GRIN2B: variants seen among roughly 807,000 people sequenced by gnomAD.
The protein encoded by GRIN2B is glutamate ionotropic receptor NMDA type subunit 2B.
Under a neutral mutation model 114.5 loss-of-function variants are expected in GRIN2B, and 5 were observed. The observed-to-expected ratio is 0.04, with a 90% confidence interval of 0.02 to 0.09. GRIN2B has a LOEUF of 0.09. Ranked by LOEUF, GRIN2B falls within the 10% of genes least tolerant of loss-of-function variation. The probability of loss-of-function intolerance (pLI) is 1.00; values close to 1 mark genes in which losing one functional copy is unlikely to be tolerated. For synonymous variants in GRIN2B, 787 were observed against 745.1 expected (o/e 1.06, Z -0.92); for missense variants, 1,108 against 1,943.5 (o/e 0.57, Z 8.08).
At chr12:13,857,846 T>C (rs1355426098) in intron 3 of GRIN2B, among the ~76,000 whole-genome samples, 1 of 152,190 alleles carries the variant, frequency 6.6e-6, no homozygotes, top group Non-Finnish European at 1.5e-5. Flanking sequence ...GAAGACTTCT[T>C]CTAATCCAAT....
intron 3 of GRIN2B, among the ~76,000 whole-genome samples, chr12:13,807,869 C>T (rs1432060295): frequency 1.3e-5 from 2 of 151,972 alleles, no homozygotes; most frequent in African/African-American, 4.8e-5. Context: ...GAACCTTAAC[C>T]AACCCACCCA....
At chr12:13,607,266 T>C (rs1353016380) in intron 10 of GRIN2B, among the ~76,000 whole-genome samples, 2 of 37,334 alleles carry the variant, frequency 5.4e-5, no homozygotes, top group Non-Finnish European at 1.0e-4. Context: ...TTATATATAA[T>C]ATATAAAATA....
chr12:13,959,223 T>C (rs900888197), intron 2 of GRIN2B, among the ~76,000 whole-genome samples: 4 of 152,104 alleles, frequency 2.6e-5, no homozygotes, highest in Non-Finnish European at 5.9e-5. Context: ...AGAAGGAGGC[T>C]TTCCAGGAAG....
At chr12:13,755,297 G>A (rs1863557693) in intron 3 of GRIN2B, among the ~76,000 whole-genome samples, 1 of 152,172 alleles carries the variant, frequency 6.6e-6, no homozygotes, top group Admixed American at 6.5e-5. Context: ...ATACAGGTTG[G>A]GAAATATCCA....
intron 3 of GRIN2B, among the ~76,000 whole-genome samples, chr12:13,777,507 C>T (rs1445900136): frequency 2.0e-5 from 3 of 152,170 alleles, no homozygotes; most frequent in African/African-American, 7.2e-5. Context: ...AAGTATTCCG[C>T]AATACCCATC....
intron 4 of GRIN2B, among the ~76,000 whole-genome samples, chr12:13,722,899 C>T (rs1565513567): frequency 1.3e-5 from 2 of 152,130 alleles, no homozygotes; most frequent in East Asian, 3.9e-4. Flanking sequence ...AATCGTCTCA[C>T]CACACCTGCT....
At chr12:13,700,153 A>G (rs950645593) in intron 4 of GRIN2B, among the ~76,000 whole-genome samples, 2 of 152,064 alleles carry the variant, frequency 1.3e-5, no homozygotes, top group Non-Finnish European at 2.9e-5. Context: ...ACTTTTCTTG[A>G]GACATCATCT....
chr12:13,904,514 T>A (rs1866506883), intron 2 of GRIN2B, among the ~76,000 whole-genome samples: 1 of 152,122 alleles, frequency 6.6e-6, no homozygotes, highest in South Asian at 2.1e-4. Context: ...GTCATCTTTA[T>A]CTTTTTGCAA....
intron 10 of GRIN2B, among the ~76,000 whole-genome samples, chr12:13,593,528 C>G (rs929333940): frequency 1.3e-5 from 2 of 152,138 alleles, no homozygotes; most frequent in African/African-American, 4.8e-5. Context: ...TTCCTTACAC[C>G]TTATATAAAA....
intron 3 of GRIN2B, among the ~76,000 whole-genome samples, chr12:13,771,596 T>C (rs1863909986): frequency 6.6e-6 from 1 of 152,208 alleles, no homozygotes; most frequent in African/African-American, 2.4e-5. Flanking sequence ...TCCTCCAGAA[T>C]ATAAAAGTGC....
chr12:13,584,680 C>A (rs977521798), intron 10 of GRIN2B, among the ~76,000 whole-genome samples: 6 of 152,130 alleles, frequency 3.9e-5, no homozygotes, highest in Admixed American at 3.9e-4. Context: ...ATCTGAAATC[C>A]CGCAAGAGCC....
At chr12:13,757,584 A>G (rs576766623) in intron 3 of GRIN2B, among the ~76,000 whole-genome samples, 11 of 152,190 alleles carry the variant, frequency 7.2e-5, no homozygotes, top group Non-Finnish European at 1.3e-4. Context: ...CAAAATGTTG[A>G]CATGCAGGGG....
At chr12:13,847,338 G>A (rs548248795) in intron 3 of GRIN2B, among the ~76,000 whole-genome samples, 1 of 152,208 alleles carries the variant, frequency 6.6e-6, no homozygotes, top group South Asian at 2.1e-4. Flanking sequence ...CCGTGGGATG[G>A]AAGAGCACTA....
At chr12:13,959,840 A>G (rs541495434) in intron 2 of GRIN2B, among the ~76,000 whole-genome samples, 1 of 143,636 alleles carries the variant, frequency 7.0e-6, no homozygotes, top group Non-Finnish European at 1.5e-5. Flanking sequence ...TTTTCTATCC[A>G]CCACTGGAGA....
chr12:13,745,517 C>T (rs969864549), intron 4 of GRIN2B, among the ~76,000 whole-genome samples: 2 of 152,222 alleles, frequency 1.3e-5, no homozygotes, highest in Non-Finnish European at 2.9e-5. Flanking sequence ...GGAGAGGTAG[C>T]ATGCTCTAGC....
At chr12:13,577,067 T>G (rs1016185726) in intron 10 of GRIN2B, among the ~76,000 whole-genome samples, 1 of 149,482 alleles carries the variant, frequency 6.7e-6, no homozygotes. Flanking sequence ...AGCTGAGACT[T>G]GACCCCTGAG....
Position 13,777,854 on chromosome 12 carries a change from G to A in GRIN2B, c.412-23939C>T, listed in dbSNP as rs558385677. Reference sequence around the variant, plus strand: ...GGTCCAAACATCAACTCTGAGGCTAGCACAATCTCTCCTAAATTTTTTACA... The same window carrying A: ...GGTCCAAACATCAACTCTGAGGCTAACACAATCTCTCCTAAATTTTTTACA... On this transcript the variant is annotated intron_variant, in intron 3 of 13. Transcript: ENST00000609686. 2.1e-4 allele frequency among the ~76,000 whole-genome samples: 32 copies of A among 152,312 alleles called. 1 individual carries two copies. The South Asian group carries it at 6.6e-3, about 32-fold the overall frequency.
At chr12:13,639,899 C>T (rs984404173) in intron 5 of GRIN2B, among the ~76,000 whole-genome samples, 5 of 151,914 alleles carry the variant, frequency 3.3e-5, no homozygotes, top group East Asian at 1.9e-4. Context: ...TCACTTCCTC[C>T]GCCTCTTACT....
intron 5 of GRIN2B, among the ~76,000 whole-genome samples, chr12:13,626,319 G>C (rs1337910570): frequency 6.6e-6 from 1 of 152,186 alleles, no homozygotes; most frequent in Non-Finnish European, 1.5e-5. Context: ...GCTCAGCAGC[G>C]ATGCTGAACT....
Sources: gnomAD v4.1 joint callset for allele counts (sites outside exome capture counted in the v4.1 genomes callset) on GRCh38, gnomAD v4.1.1 for gene constraint, MANE v1.5 for transcripts, NCBI Gene and HGNC (gene_info 2026-07-23, HGNC 2026-07-21) for gene names.